Variants in CDH13 observed in about 807,000 individuals in gnomAD.
The protein encoded by CDH13 is cadherin 13.
A neutral mutation model predicts 63.8 loss-of-function variants in CDH13; 24 were observed. The observed-to-expected ratio is 0.38, with a 90% CI of 0.27 to 0.53. CDH13 has a LOEUF of 0.53. CDH13 is among the 20% of genes least tolerant of loss of function. CDH13 has a pLI of 0.85. For synonymous variants in CDH13, 503 were observed against 355.3 expected (o/e 1.42, Z -4.67); for missense variants, 1,049 against 903.1 (o/e 1.16, Z -2.07).
At chr16:83,780,299 C>T (rs1915430432) in intron 12 of CDH13, 98 bp downstream of exon 12, 3 of 751,246 alleles carry the variant, frequency 4.0e-6, no homozygotes, top group African/African-American at 1.8e-5. Flanking sequence ...CAAGTATTCT[C>T]ATTTGGTTCA....
intron 1 of CDH13, among the ~76,000 whole-genome samples, chr16:82,841,994 A>G (rs2039024757): frequency 6.6e-6 from 1 of 150,536 alleles, no homozygotes; most frequent in African/African-American, 2.5e-5. Flanking sequence ...TGGTCATTAA[A>G]CACTCACTAG....
intron 2 of CDH13, among the ~76,000 whole-genome samples, chr16:82,897,069 C>T (rs183441594): frequency 7.9e-5 from 12 of 152,000 alleles, no homozygotes; most frequent in Non-Finnish European, 1.0e-4. Context: ...CATGAGCCAC[C>T]GTGCCCTGCC....
chr16:82,639,983 A>G (rs371174784), intron 1 of CDH13, among the ~76,000 whole-genome samples: 2 of 152,232 alleles, frequency 1.3e-5, no homozygotes, highest in East Asian at 3.8e-4. Flanking sequence ...GGGGAAGACA[A>G]TATCTCAAGC....
intron 3 of CDH13, among the ~76,000 whole-genome samples, chr16:83,087,671 CAA>C (rs67228844): frequency 0.072 from 3,113 of 43,422 alleles, 19 homozygotes; most frequent in African/African-American, 0.17. Context: ...CCCTCCGTCT[CAA>C]AAAAAAAAAA....
At chr16:83,086,786 G>A (rs989802974) in intron 3 of CDH13, among the ~76,000 whole-genome samples, 8 of 152,078 alleles carry the variant, frequency 5.3e-5, no homozygotes, top group African/African-American at 1.9e-4. Context: ...GGCAAAAACT[G>A]GGCACAGTAA....
intron 7 of CDH13, among the ~76,000 whole-genome samples, chr16:83,591,303 A>G (rs1042994232): frequency 2.0e-5 from 3 of 152,248 alleles, no homozygotes; most frequent in Admixed American, 6.5e-5. Flanking sequence ...GCCCAGGTCT[A>G]GAAAACAAAA....
At chr16:83,059,221 G>A (rs1403134900) in intron 3 of CDH13, among the ~76,000 whole-genome samples, 3 of 152,080 alleles carry the variant, frequency 2.0e-5, no homozygotes, top group African/African-American at 7.3e-5. Flanking sequence ...ATGCTTTTCA[G>A]AATTCTCAGA....
intron 7 of CDH13, among the ~76,000 whole-genome samples, chr16:83,534,686 G>C (rs1014499354): frequency 2.0e-5 from 3 of 152,228 alleles, no homozygotes; most frequent in African/African-American, 7.2e-5. Flanking sequence ...GTATTCCACT[G>C]TATGGATAGG....
intron 5 of CDH13, among the ~76,000 whole-genome samples, chr16:83,223,334 C>G (rs1038569720): frequency 6.6e-6 from 1 of 152,228 alleles, no homozygotes; most frequent in Non-Finnish European, 1.5e-5. Context: ...CAAAAGACAG[C>G]ACCTATTCCT....
intron 3 of CDH13, among the ~76,000 whole-genome samples, chr16:83,049,562 C>T (rs1309623434): frequency 6.6e-6 from 1 of 152,054 alleles, no homozygotes; most frequent in Non-Finnish European, 1.5e-5. Flanking sequence ...GTGTCAATCT[C>T]CTGACCTCGT....
intron 8 of CDH13, among the ~76,000 whole-genome samples, chr16:83,624,537 A>G (rs1910107630): frequency 1.3e-5 from 2 of 152,122 alleles, no homozygotes; most frequent in Non-Finnish European, 1.5e-5. Context: ...CCCAGTTCAC[A>G]ATAAGGTTTC....
At chr16:82,645,838 G>A (rs1215006740) in intron 1 of CDH13, among the ~76,000 whole-genome samples, 1 of 152,172 alleles carries the variant, frequency 6.6e-6, no homozygotes, top group Non-Finnish European at 1.5e-5. Context: ...AGATGCCATG[G>A]TTATTCCAAA....
intron 6 of CDH13, among the ~76,000 whole-genome samples, chr16:83,441,767 C>T (rs1366335544): frequency 2.6e-5 from 4 of 151,978 alleles, no homozygotes; most frequent in Non-Finnish European, 5.9e-5. Flanking sequence ...CTGGTGGAGC[C>T]CTATGAGTAA....
intron 3 of CDH13, among the ~76,000 whole-genome samples, chr16:83,120,872 T>C (rs1229069113): frequency 6.6e-6 from 1 of 150,826 alleles, no homozygotes; most frequent in African/African-American, 2.4e-5. Context: ...CAAGTGATTC[T>C]CCTGCCTCAT....
chr16:83,660,407 G>A (rs1262551299), intron 8 of CDH13, among the ~76,000 whole-genome samples: 1 of 152,098 alleles, frequency 6.6e-6, no homozygotes, highest in Non-Finnish European at 1.5e-5. Context: ...TTCACTATAG[G>A]GTTTGTGCTC....
chr16:82,640,904 G>A (rs1468069334), intron 1 of CDH13, among the ~76,000 whole-genome samples: 1 of 152,200 alleles, frequency 6.6e-6, no homozygotes, highest in African/African-American at 2.4e-5. Flanking sequence ...CTACCCAAAA[G>A]TATCTTGGGG....
At chr16:82,815,561 C>A (rs1007506399) in intron 1 of CDH13, among the ~76,000 whole-genome samples, 1 of 152,160 alleles carries the variant, frequency 6.6e-6, no homozygotes, top group Non-Finnish European at 1.5e-5. Flanking sequence ...TTCATTAAAG[C>A]CCACTGCTCT....
At chr16:82,898,382 G>T (rs369657996) in intron 2 of CDH13, among the ~76,000 whole-genome samples, 1 of 152,098 alleles carries the variant, frequency 6.6e-6, no homozygotes, top group African/African-American at 2.4e-5. Context: ...AAAGTTAGCC[G>T]GGCATGCTGG....
At chr16:82,825,073 G>A (rs1275053625) in intron 1 of CDH13, 1 of 152,152 alleles carries the variant, frequency 6.6e-6, no homozygotes, top group Admixed American at 6.5e-5. Context: ...GTTTAATATT[G>A]AGGTTGAGCG....
Sources: allele counts gnomAD v4.1 joint callset (sites outside exome capture counted in the v4.1 genomes callset), GRCh38; gene constraint gnomAD v4.1.1; transcripts MANE v1.5; gene names NCBI Gene and HGNC (gene_info 2026-07-23, HGNC 2026-07-21).